Variants in CPED1 observed in about 807,000 individuals in gnomAD.
CPED1 encodes the protein cadherin-like and PC-esterase domain-containing protein 1.
Under a neutral mutation model 128.2 loss-of-function variants are expected in CPED1, and 114 were observed. That is an observed-to-expected ratio of 0.89 (90% CI 0.76 to 1.04). The LOEUF is 1.04. Among genes scored for constraint, CPED1 ranks in the 50% least tolerant of loss-of-function variants. The pLI, the probability that CPED1 is intolerant of heterozygous loss-of-function variation, is 0.00. For missense variants in CPED1, 1,211 were observed against 1,207.1 expected, an observed-to-expected ratio of 1.00 and a Z score of -0.05; for synonymous variants, 462 against 426.7, an observed-to-expected ratio of 1.08 and a Z score of -1.02.
intron 5 of CPED1, among the ~76,000 whole-genome samples, chr7:121,072,664 G>A (rs10441247): frequency 0.035 from 5,344 of 152,076 alleles, 307 homozygotes; most frequent in African/African-American, 0.12. Flanking sequence ...TTAGACAGTG[G>A]GAAATAGAGC....
rs10235947 is a variant in CPED1, at chr7:121,097,096, T to C, written c.617-603T>C. Among the ~76,000 whole-genome samples, 582 of 152,278 alleles carry C rather than the reference T, an allele frequency of 3.8e-3. 3 individuals are homozygous for C. Among genetic ancestry groups the C allele is most frequent in the African/African-American group, 0.013 (535 of 41,572 alleles). On this transcript the variant is annotated intron_variant, in intron 5 of 22. Coordinates refer to ENST00000310396, the MANE Select transcript of CPED1 (RefSeq NM_024913.5). ...GATTGCTTTCTGTAATATTTGATTTTTGTAATCATGTATATGCAATAACTT... is the reference window on the plus strand; with the variant it reads ...GATTGCTTTCTGTAATATTTGATTTCTGTAATCATGTATATGCAATAACTT...
intron 7 of CPED1, among the ~76,000 whole-genome samples, chr7:121,121,934 C>T (rs1000162956): frequency 3.9e-5 from 6 of 152,000 alleles, no homozygotes; most frequent in Non-Finnish European, 8.8e-5. Context: ...ACCGGACACT[C>T]AAAAAAGTGG....
At chr7:121,275,095 GA>G (rs951692542) in intron 22 of CPED1, among the ~76,000 whole-genome samples, 10 of 152,096 alleles carry the variant, frequency 6.6e-5, no homozygotes, top group Non-Finnish European at 1.5e-4. Context: ...GGATACCTGA[GA>G]AGGGTTGGTA....
Position 121,189,799 on chromosome 7 carries a change from A to ATATATATATATATATATATATAT in CPED1, c.2056-46915_2056-46914insTATATATATATATATATATATAT, listed in dbSNP as rs58389973. On this transcript the variant is annotated intron_variant, in intron 16 of 22. Coordinates refer to ENST00000310396, the MANE Select transcript of CPED1 (RefSeq NM_024913.5). ...ATATATATATATATATATATATATA[A>ATATATATATATATATATATATAT]AATTTGTATTTATTGCCTATTTTAT... is the stretch of plus-strand genomic sequence containing the variant. 3.8e-4 allele frequency among the ~76,000 whole-genome samples: 12 copies of ATATATATATATATATATATATAT among 31,268 alleles called. 1 individual carries two copies. The highest frequency in any genetic ancestry group is 7.4e-4 in the Admixed American group (2 of 2,700). The allele number at this position is 31,268 out of a possible 152,430, so 20.5% of individuals were successfully genotyped here.
intron 22 of CPED1, among the ~76,000 whole-genome samples, chr7:121,290,423 A>T (rs868371869): frequency 1.8e-4 from 28 of 152,336 alleles, no homozygotes; most frequent in Middle Eastern, 3.4e-3. Flanking sequence ...ACTCCCACCA[A>T]CAGTGTAAAA....
intron 3 of CPED1, among the ~76,000 whole-genome samples, chr7:121,018,495 A>G (rs115441249): frequency 4.6e-5 from 7 of 152,116 alleles, no homozygotes; most frequent in African/African-American, 1.7e-4. Flanking sequence ...CTTTTACCAC[A>G]GCATTTTCTG....
chr7:121,118,027 T>A (rs1214164148), intron 7 of CPED1, among the ~76,000 whole-genome samples: 3 of 152,216 alleles, frequency 2.0e-5, no homozygotes, highest in African/African-American at 7.2e-5. Context: ...TGCTTTCAGT[T>A]CTTTGTTTTT....
intron 3 of CPED1, among the ~76,000 whole-genome samples, chr7:121,044,648 C>CTTTTTATTT (rs35159862): frequency 1.4e-5 from 1 of 69,540 alleles, no homozygotes; most frequent in Non-Finnish European, 2.8e-5. Context: ...TGACTTTCTG[C>CTTTTTATTT]TCTTTTTTTT....
At chr7:121,223,893 T>C (rs1172232790) in intron 16 of CPED1, among the ~76,000 whole-genome samples, 1 of 152,086 alleles carries the variant, frequency 6.6e-6, no homozygotes, top group Non-Finnish European at 1.5e-5. Context: ...ATTTTGTTGA[T>C]CTTTTGAAAA....
chr7:121,249,422 G>C (rs1319338844), intron 18 of CPED1, among the ~76,000 whole-genome samples: 1 of 152,126 alleles, frequency 6.6e-6, no homozygotes, highest in African/African-American at 2.4e-5. Context: ...AAGGCAGCTT[G>C]CTAGAGAGAA....
chr7:121,155,775 G>C, intron 16 of CPED1, among the ~76,000 whole-genome samples: 1 of 152,112 alleles, frequency 6.6e-6, no homozygotes, highest in East Asian at 1.9e-4. Context: ...TTGGAAAAGT[G>C]CTCCAGAAAA....
intron 4 of CPED1, among the ~76,000 whole-genome samples, chr7:121,054,752 T>G: frequency 6.6e-6 from 1 of 151,998 alleles, no homozygotes; most frequent in South Asian, 2.1e-4. Flanking sequence ...TAGTTATGCA[T>G]CCATCCTCAC....
intron 18 of CPED1, among the ~76,000 whole-genome samples, chr7:121,256,282 A>C (rs1001085371): frequency 5.9e-5 from 9 of 152,094 alleles, no homozygotes; most frequent in Non-Finnish European, 1.5e-5. Flanking sequence ...AAAGCTGCAT[A>C]TCTACAACCA....
chr7:120,989,679 G>A lies in CPED1; in HGVS notation c.58G>A (p.Val20Met). ...GCGATTTTGCCCCCGACCCTTCTTG[G>A]TGGGCTTAGTGGTGGCAATCTGTCT... Reference protein sequence around the residue: ...RRRFCPRPFLVGLVVAICLFY... With the variant: ...RRRFCPRPFLMGLVVAICLFY... The change falls in exon 2 of 23, where the codon GTG (valine) becomes ATG (methionine). Residue 20 changes from valine (V) to methionine (M), a missense_variant. By Grantham distance (21) the Val-to-Met change is conservative. Coordinates refer to ENST00000310396, the MANE Select transcript of CPED1 (RefSeq NM_024913.5). 1 of 1,614,010 alleles carries A rather than the reference G, an allele frequency of 6.2e-7. No individual in the cohort carries two copies. Among genetic ancestry groups the A allele is most frequent in the Non-Finnish European group, 8.5e-7 (1 of 1,180,010 alleles).
intron 22 of CPED1, among the ~76,000 whole-genome samples, chr7:121,291,086 C>T (rs1792690728): frequency 6.6e-6 from 1 of 152,102 alleles, no homozygotes; most frequent in South Asian, 2.1e-4. Flanking sequence ...TTGTTTTTGT[C>T]AGGTTTGTCA....
At position 121,170,398 on chromosome 7, in the gene CPED1, G is replaced by A. The variant is rs145787707; in HGVS notation, c.2055+28257G>A. ...TGGGCCTCATTCTGCTTGGCAAAAG[G>A]TCTTTTGTGCTTCTCTGTATAAATT... On this transcript the variant is annotated intron_variant, in intron 16 of 22. Coordinates refer to ENST00000310396, the MANE Select transcript of CPED1 (RefSeq NM_024913.5). 2.9e-4 allele frequency among the ~76,000 whole-genome samples: 44 copies of A among 152,054 alleles called. 2 individuals are homozygous for A. In the East Asian group the frequency reaches 8.3e-3, roughly 29 times the overall value.
intron 5 of CPED1, among the ~76,000 whole-genome samples, chr7:121,086,717 T>C (rs758441284): frequency 5.3e-5 from 8 of 152,216 alleles, no homozygotes; most frequent in Non-Finnish European, 1.0e-4. Context: ...CACTGCAAGT[T>C]GGAAACAAGG....
At chr7:121,201,194 C>G (rs925637649) in intron 16 of CPED1, among the ~76,000 whole-genome samples, 1 of 151,882 alleles carries the variant, frequency 6.6e-6, no homozygotes, top group African/African-American at 2.4e-5. Context: ...ATCGAGACAC[C>G]CCAAGAAAGA....
chr7:121,080,293 A>C (rs902839332), intron 5 of CPED1, among the ~76,000 whole-genome samples: 1 of 152,224 alleles, frequency 6.6e-6, no homozygotes, highest in Non-Finnish European at 1.5e-5. Flanking sequence ...TATAAAATAA[A>C]GTATATTACA....
Sources: allele counts gnomAD v4.1 joint callset (sites outside exome capture counted in the v4.1 genomes callset), GRCh38; gene constraint gnomAD v4.1.1; transcripts MANE v1.5; gene names NCBI Gene and HGNC (gene_info 2026-07-23, HGNC 2026-07-21).